RGL1: variants seen among roughly 807,000 people sequenced by gnomAD.
RGL1 encodes the protein ral guanine nucleotide dissociation stimulator like 1, also known as ral guanine nucleotide dissociation stimulator-like 1.
Under a neutral mutation model 95.2 loss-of-function variants are expected in RGL1, and 24 were observed. The ratio of observed to expected loss-of-function variants is 0.25; its 90% CI spans 0.18 to 0.35. RGL1 has a LOEUF of 0.35. RGL1 is among the 10% of genes least tolerant of loss of function. RGL1 has a pLI of 1.00. For synonymous variants in RGL1, 329 were observed against 344.9 expected, an observed-to-expected ratio of 0.95 and a Z score of 0.51; for missense variants, 715 against 936.3, an observed-to-expected ratio of 0.76 and a Z score of 3.08.
At chr1:183,906,033 C>A (rs990043410) in intron 13 of RGL1, among the ~76,000 whole-genome samples, 1 of 152,080 alleles carries the variant, frequency 6.6e-6, no homozygotes, top group African/African-American at 2.4e-5. Flanking sequence ...GAAGTTGGCC[C>A]ATCCCTACCC....
chr1:183,690,645 C>G (rs774234509), intron 1 of RGL1, among the ~76,000 whole-genome samples: 2 of 151,914 alleles, frequency 1.3e-5, no homozygotes, highest in African/African-American at 4.8e-5. Context: ...AAAATGTATC[C>G]CATTGTTGCC....
chr1:183,858,111 T>TA (rs1196018486), intron 3 of RGL1, among the ~76,000 whole-genome samples: 1 of 152,094 alleles, frequency 6.6e-6, no homozygotes, highest in Non-Finnish European at 1.5e-5. Flanking sequence ...GTTTTTTTTT[T>TA]AAAGTGTGCT....
intron 1 of RGL1, among the ~76,000 whole-genome samples, chr1:183,698,762 A>G (rs868496762): frequency 1.4e-4 from 22 of 152,354 alleles, no homozygotes; most frequent in African/African-American, 5.0e-4. Flanking sequence ...TATAGGAACT[A>G]CTTGAATACT....
intron 1 of RGL1, among the ~76,000 whole-genome samples, chr1:183,712,333 G>C (rs1291087080): frequency 6.6e-6 from 1 of 152,206 alleles, no homozygotes; most frequent in African/African-American, 2.4e-5. Context: ...AACTCTAATG[G>C]GAGAGAAACT....
intron 3 of RGL1, among the ~76,000 whole-genome samples, chr1:183,858,842 C>A (rs557496476): frequency 6.6e-6 from 1 of 151,730 alleles, no homozygotes; most frequent in Non-Finnish European, 1.5e-5. Context: ...AAGCTATAGG[C>A]GAAAAAGAAA....
intron 1 of RGL1, among the ~76,000 whole-genome samples, chr1:183,637,109 C>A (rs895995693): frequency 8.5e-5 from 13 of 152,272 alleles, no homozygotes; most frequent in African/African-American, 2.9e-4. Context: ...GTCTCAGATT[C>A]CTCATCACTG....
intron 3 of RGL1, among the ~76,000 whole-genome samples, chr1:183,856,837 T>C (rs908287779): frequency 6.6e-6 from 1 of 152,004 alleles, no homozygotes; most frequent in Non-Finnish European, 1.5e-5. Context: ...TTAAAAACTT[T>C]GATAGGGGAT....
chr1:183,668,892 T>A (rs1484985682), intron 1 of RGL1, among the ~76,000 whole-genome samples: 1 of 151,900 alleles, frequency 6.6e-6, no homozygotes, highest in African/African-American at 2.4e-5. Flanking sequence ...TTATGAGTTT[T>A]TATTTTCAGT....
intron 1 of RGL1, among the ~76,000 whole-genome samples, chr1:183,734,164 T>C (rs1266588910): frequency 6.6e-6 from 1 of 152,226 alleles, no homozygotes; most frequent in Non-Finnish European, 1.5e-5. Context: ...CAACAGATTT[T>C]TTCCCCTGTG....
chr1:183,890,533 A>G (rs1667355614), intron 8 of RGL1, among the ~76,000 whole-genome samples: 1 of 152,198 alleles, frequency 6.6e-6, no homozygotes, highest in African/African-American at 2.4e-5. Context: ...ACACTTCTAT[A>G]TCAGCTTTAC....
chr1:183,706,628 C>G (rs180691168), intron 1 of RGL1, among the ~76,000 whole-genome samples: 61 of 152,312 alleles, frequency 4.0e-4, no homozygotes, highest in African/African-American at 1.4e-3. Context: ...TGGGCATTGT[C>G]TGGACCAGTG....
At chr1:183,807,830 A>G (rs927793526) in intron 2 of RGL1, among the ~76,000 whole-genome samples, 5 of 152,214 alleles carry the variant, frequency 3.3e-5, no homozygotes, top group Non-Finnish European at 1.5e-5. Flanking sequence ...ATATGATTTT[A>G]AAATTAATTA....
At chr1:183,800,347 A>G (rs1660922194), upstream of RGL1, among the ~76,000 whole-genome samples, 1 of 152,134 alleles carries the variant, frequency 6.6e-6, no homozygotes, top group Non-Finnish European at 1.5e-5. Flanking sequence ...AGCTGCTTGC[A>G]TTTGCTCTTT....
Position 183,900,173 on chromosome 1 carries a change from C to A in RGL1, c.1254C>A (p.Pro418=), listed in dbSNP as rs1667934569. 6.2e-7 allele frequency: 1 copy of A among 1,613,924 alleles called. No individual in the cohort carries two copies. The highest frequency in any genetic ancestry group is 8.5e-7 in the Non-Finnish European group (1 of 1,179,836). The part of the protein sequence containing the change: ...KDMGVMQGTV[P]YLGTFLTDLT... The stretch of plus-strand genomic sequence containing the variant: ...AGGGTGTGATGCAGGGAACTGTGCC[C>A]TACCTGGGCACCTTCCTGACTGACC... Residue 418 remains proline, a synonymous_variant, in exon 11 of 18, where the codon CCC becomes CCA. Coordinates refer to ENST00000360851, the MANE Select transcript of RGL1 (RefSeq NM_001297671.3).
At chr1:183,908,484 T>C (rs570880869) in intron 14 of RGL1, among the ~76,000 whole-genome samples, 141 of 152,354 alleles carry the variant, frequency 9.3e-4, no homozygotes, top group African/African-American at 3.1e-3. Context: ...TTTGTTCAGA[T>C]GACTGTCCTG....
At chr1:183,917,338 C>T (rs543913414) in intron 16 of RGL1, among the ~76,000 whole-genome samples, 1 of 152,354 alleles carries the variant, frequency 6.6e-6, no homozygotes, top group South Asian at 2.1e-4. Flanking sequence ...TTTGGGAATA[C>T]ACACAGAGCC....
intron 2 of RGL1, among the ~76,000 whole-genome samples, chr1:183,820,921 T>G (rs1397655007): frequency 6.6e-6 from 1 of 151,968 alleles, no homozygotes; most frequent in Non-Finnish European, 1.5e-5. Flanking sequence ...TCACCTGAAG[T>G]CAGGAGTTTG....
At chr1:183,671,781 A>T (rs906226766) in intron 1 of RGL1, among the ~76,000 whole-genome samples, 6 of 152,184 alleles carry the variant, frequency 3.9e-5, no homozygotes, top group Admixed American at 3.3e-4. Flanking sequence ...GCTGAGAGGA[A>T]GTATTATGGC....
rs754610680 is a variant in RGL1, at chr1:183,904,845, T to C, written c.1351-5T>C. 6.2e-7 allele frequency: 1 copy of C among 1,604,620 alleles called. No individual in the cohort carries two copies. On this transcript the variant is annotated splice_region_variant and splice_polypyrimidine_tract_variant and intron_variant, in intron 12 of 17. Transcript: ENST00000360851. ...TTTTAATTTTTGGTATTCTGTCTGC[T>C]TTAGGAATTTGAAGTGATTGCCCAG... is the stretch of plus-strand genomic sequence containing the variant.
Sources: gnomAD v4.1 joint callset for allele counts (sites outside exome capture counted in the v4.1 genomes callset) on GRCh38, gnomAD v4.1.1 for gene constraint, MANE v1.5 for transcripts, NCBI Gene and HGNC (gene_info 2026-07-23, HGNC 2026-07-21) for gene names.